The following PRKG1 variants were observed in gnomAD, a reference collection of about 807,000 sequenced individuals.
PRKG1 encodes the protein cGMP-dependent protein kinase 1.
In PRKG1, 35 loss-of-function variants were observed where a neutral mutation model predicts 88.1. The ratio of observed to expected loss-of-function variants is 0.40; its 90% CI spans 0.30 to 0.53. The LOEUF is 0.53. Among genes scored for constraint, PRKG1 ranks in the 20% least tolerant of loss-of-function variants. The probability of loss-of-function intolerance (pLI) is 0.59; values close to 1 mark genes in which losing one functional copy is unlikely to be tolerated. For synonymous variants in PRKG1, 303 were observed against 292.5 expected (o/e 1.04, Z -0.37); for missense variants, 540 against 839.8 (o/e 0.64, Z 4.41).
At chr10:51,273,348 C>CA (rs35237197) in intron 2 of PRKG1, among the ~76,000 whole-genome samples, 2,559 of 118,534 alleles carry the variant, frequency 0.022, 47 homozygotes, top group African/African-American at 0.051. Context: ...CCATCTCTTC[C>CA]AAAAAAAAAA....
At chr10:51,927,635 G>A (rs937229247) in intron 5 of PRKG1, among the ~76,000 whole-genome samples, 3 of 152,120 alleles carry the variant, frequency 2.0e-5, no homozygotes, top group African/African-American at 7.2e-5. Context: ...TTTAGTTAAG[G>A]AAACAGGAAC....
chr10:51,188,686 G>A (rs2132036947), intron 2 of PRKG1, among the ~76,000 whole-genome samples: 1 of 151,936 alleles, frequency 6.6e-6, no homozygotes. Context: ...GGGTATGGCT[G>A]ACATTCTAGA....
intron 3 of PRKG1, among the ~76,000 whole-genome samples, chr10:51,788,112 TA>T (rs1334874458): frequency 6.6e-6 from 1 of 152,200 alleles, no homozygotes; most frequent in East Asian, 1.9e-4. Flanking sequence ...TTAGTGTGTT[TA>T]AACAGAATCT....
Position 51,693,957 on chromosome 10 carries a change from C to T in PRKG1, c.593-110628C>T, listed in dbSNP as rs374736978. ...ATATATAAGCACATTATATAGTATGCCAATATCATGTAATATCCCTATTAA... is the reference window on the plus strand; with the variant it reads ...ATATATAAGCACATTATATAGTATGTCAATATCATGTAATATCCCTATTAA... On this transcript the variant is annotated intron_variant, in intron 3 of 17. Transcript: ENST00000373980. Among the ~76,000 whole-genome samples, 4 of 151,562 alleles carry T rather than the reference C, an allele frequency of 2.6e-5. No individual in the cohort carries two copies. In the South Asian group the frequency reaches 8.4e-4, roughly 32 times the overall value.
intron 3 of PRKG1, among the ~76,000 whole-genome samples, chr10:51,625,068 C>G (rs1839300814): frequency 6.6e-6 from 1 of 152,160 alleles, no homozygotes; most frequent in Admixed American, 6.5e-5. Context: ...GTTGTCATCA[C>G]TCAAAATTAA....
chr10:51,875,349 C>A (rs1841268931), intron 4 of PRKG1, among the ~76,000 whole-genome samples: 2 of 150,964 alleles, frequency 1.3e-5, no homozygotes, highest in South Asian at 2.1e-4. Flanking sequence ...CTTAATAGAC[C>A]AAACAGATAA....
chr10:51,077,701 A>C (rs1843993497), intron 1 of PRKG1, among the ~76,000 whole-genome samples: 1 of 152,176 alleles, frequency 6.6e-6, no homozygotes. Flanking sequence ...TCCTGCTATA[A>C]CTATGAGGTA....
In PRKG1 at chr10:51,752,047, T is replaced by A. The variant is rs148092205; in HGVS notation, c.593-52538T>A. 6.9e-3 allele frequency among the ~76,000 whole-genome samples: 1,051 copies of A among 152,314 alleles called. 14 individuals carry two copies. The highest frequency in any genetic ancestry group is 0.02 in the Middle Eastern group (6 of 294). ...TTAAACCTTTCCTTAGTATTGCCAG[T>A]GTCTGTTTTATTCTGCATTAACTCC... On this transcript the variant is annotated intron_variant, in intron 3 of 17. Coordinates refer to ENST00000373980, the MANE Select transcript of PRKG1 (RefSeq NM_006258.4).
chr10:51,126,155 T>TA (rs1447423389), intron 1 of PRKG1, among the ~76,000 whole-genome samples: 7 of 120,300 alleles, frequency 5.8e-5, no homozygotes, highest in African/African-American at 2.4e-4. Context: ...ATTATATAAT[T>TA]TTTTATATGT....
At chr10:51,424,050 A>G (rs1208737912) in intron 2 of PRKG1, among the ~76,000 whole-genome samples, 1 of 152,162 alleles carries the variant, frequency 6.6e-6, no homozygotes, top group Non-Finnish European at 1.5e-5. Flanking sequence ...CTATTATGGT[A>G]CCTAAATTGA....
intron 5 of PRKG1, among the ~76,000 whole-genome samples, chr10:51,971,757 T>C (rs1470238537): frequency 6.6e-6 from 1 of 152,154 alleles, no homozygotes; most frequent in Non-Finnish European, 1.5e-5. Context: ...CATTTTATTA[T>C]AGCACCTTGT....
chr10:52,125,127 T>C (rs977476356), intron 7 of PRKG1, among the ~76,000 whole-genome samples: 2 of 152,194 alleles, frequency 1.3e-5, no homozygotes, highest in Admixed American at 6.6e-5. Flanking sequence ...TTATTATCAT[T>C]ATCAAGTACT....
intron 3 of PRKG1, among the ~76,000 whole-genome samples, chr10:51,525,590 C>T (rs1392820816): frequency 2.0e-5 from 3 of 151,922 alleles, no homozygotes; most frequent in Admixed American, 6.6e-5. Context: ...CCCGGCTACT[C>T]GGGAGGCTGA....
In PRKG1 at chr10:52,083,076, G is replaced by A. The variant is rs143589991; in HGVS notation, c.935+20445G>A. ...GGAAGAAAAGATTGGCCAGAAATTC[G>A]TCATTTTTGAAACTGAATGACAGGC... is the stretch of plus-strand genomic sequence containing the variant. On this transcript the variant is annotated intron_variant, in intron 7 of 17. Coordinates refer to ENST00000373980, the MANE Select transcript of PRKG1 (RefSeq NM_006258.4). Among the ~76,000 whole-genome samples, 21 of 152,062 alleles carry A rather than the reference G, an allele frequency of 1.4e-4. 1 individual carries two copies. Among genetic ancestry groups the A allele is most frequent in the African/African-American group, 4.6e-4 (19 of 41,486 alleles).
At chr10:51,213,015 C>T (rs999871807) in intron 2 of PRKG1, among the ~76,000 whole-genome samples, 1 of 152,106 alleles carries the variant, frequency 6.6e-6, no homozygotes, top group Non-Finnish European at 1.5e-5. Flanking sequence ...CACATGCACA[C>T]GTATGTTTAT....
At chr10:51,677,749 A>G (rs557135698) in intron 3 of PRKG1, among the ~76,000 whole-genome samples, 1 of 152,288 alleles carries the variant, frequency 6.6e-6, no homozygotes, top group East Asian at 1.9e-4. Flanking sequence ...TTGTGCTCAG[A>G]GAGGCACTAG....
chr10:52,085,295 G>A (rs1846884621), intron 7 of PRKG1, among the ~76,000 whole-genome samples: 1 of 139,204 alleles, frequency 7.2e-6, no homozygotes, highest in Admixed American at 7.2e-5. Flanking sequence ...ATCCATTGAT[G>A]AAGATTTCTT....
chr10:51,851,476 G>T (rs2132807364), intron 4 of PRKG1, among the ~76,000 whole-genome samples: 1 of 152,270 alleles, frequency 6.6e-6, no homozygotes, highest in South Asian at 2.1e-4. Flanking sequence ...ACAGTGTTGA[G>T]ACTGACAAAC....
chr10:52,046,285 A>C (rs1845861060), intron 5 of PRKG1, among the ~76,000 whole-genome samples: 1 of 152,076 alleles, frequency 6.6e-6, no homozygotes, highest in Admixed American at 6.6e-5. Flanking sequence ...TTTTATGTAA[A>C]GTACATGCAC....
Sources: allele counts gnomAD v4.1 joint callset (sites outside exome capture counted in the v4.1 genomes callset), GRCh38; gene constraint gnomAD v4.1.1; transcripts MANE v1.5; gene names NCBI Gene and HGNC (gene_info 2026-07-23, HGNC 2026-07-21).